The following ZNF407 variants were observed in gnomAD, a reference collection of about 807,000 sequenced individuals.
ZNF407 encodes the protein zinc finger protein 407.
A neutral mutation model predicts 131.2 loss-of-function variants in ZNF407; 17 were observed. The observed-to-expected ratio is 0.13, with a 90% CI of 0.09 to 0.19. The LOEUF is 0.19. Ranked by LOEUF, ZNF407 falls within the 10% of genes least tolerant of loss-of-function variation. ZNF407 has a pLI of 1.00. For missense variants in ZNF407, 2,681 were observed against 2,830.6 expected, an observed-to-expected ratio of 0.95 and a Z score of 1.20; for synonymous variants, 1,156 against 1,062.0, an observed-to-expected ratio of 1.09 and a Z score of -1.72.
chr18:74,889,848 A>G (rs1599223520), intron 6 of ZNF407, 70 bp from the exon 7 acceptor site: 6 of 1,410,862 alleles, frequency 4.3e-6, no homozygotes, highest in East Asian at 2.4e-5. Context: ...TAAATTGTCA[A>G]TACCAGGTTT....
chr18:74,780,050 A>G (rs1969567347), intron 3 of ZNF407, among the ~76,000 whole-genome samples: 1 of 151,860 alleles, frequency 6.6e-6, no homozygotes, highest in Admixed American at 6.6e-5. Flanking sequence ...ATTTAATATT[A>G]TCACAGTTTT....
intron 7 of ZNF407, among the ~76,000 whole-genome samples, chr18:74,893,939 G>A (rs959243746): frequency 3.3e-5 from 5 of 151,948 alleles, no homozygotes; most frequent in African/African-American, 1.2e-4. Flanking sequence ...ACCATCATTA[G>A]AAACTGAAAT....
At chr18:74,645,757 A>C (rs1044622432) in intron 3 of ZNF407, among the ~76,000 whole-genome samples, 2 of 151,976 alleles carry the variant, frequency 1.3e-5, no homozygotes, top group African/African-American at 4.8e-5. Flanking sequence ...CAGCTTGAAT[A>C]ATTGTAAATC....
chr18:74,612,152 A>C (rs1983087748), intron 1 of ZNF407, among the ~76,000 whole-genome samples: 1 of 152,246 alleles, frequency 6.6e-6, no homozygotes, highest in African/African-American at 2.4e-5. Context: ...AAGAATACAC[A>C]GTTTTTTCCC....
chr18:74,648,292 G>A lies in ZNF407; in HGVS notation c.4802+7170G>A, dbSNP rs79627328. Among the ~76,000 whole-genome samples the A allele has an allele frequency of 6.6e-5, 10 of 152,256 alleles. No homozygotes were observed. In the East Asian group the frequency reaches 1.9e-3, roughly 29 times the overall value. On this transcript the variant is annotated intron_variant, in intron 3 of 8. Coordinates refer to ENST00000299687, the MANE Select transcript of ZNF407 (RefSeq NM_017757.3). ...GGGTTGCAGCAGGATCAACCATGGC[G>A]TGCGGGATGTGCACGAACTACAGGG...
rs531446199 is a variant in ZNF407, at chr18:74,633,094, G to A, written c.2075G>A (p.Ser692Asn). 1.7e-5 allele frequency: 28 copies of A among 1,613,838 alleles called. No individual in the cohort carries two copies. Among genetic ancestry groups the A allele is most frequent in the Admixed American group, 1.5e-4 (9 of 59,992 alleles). ...GAAGAACCTCTGAAGTCCAGGGTAA[G>A]CCATGGTAATGAAGTGAGGCATTCC... The part of the protein sequence containing the change: ...SQEEPLKSRV[S>N]HGNEVRHSSK... Residue 692 changes from serine to asparagine, a missense_variant, in exon 2 of 9, where the codon AGC (serine) becomes AAC (asparagine). Transcript: ENST00000299687.
At chr18:74,832,970 G>A (rs935462677) in intron 4 of ZNF407, among the ~76,000 whole-genome samples, 6 of 152,190 alleles carry the variant, frequency 3.9e-5, no homozygotes, top group African/African-American at 1.4e-4. Flanking sequence ...CAATAGGGCA[G>A]GAAGAAGAGG....
chr18:74,599,777 C>T (rs1257010123), intron 1 of ZNF407, among the ~76,000 whole-genome samples: 1 of 152,198 alleles, frequency 6.6e-6, no homozygotes, highest in Non-Finnish European at 1.5e-5. Context: ...TCTTCTCTTT[C>T]TCATCTCCTT....
chr18:74,877,157 G>A, intron 4 of ZNF407, 40 bp from the exon 5 acceptor site: 4 of 1,597,630 alleles, frequency 2.5e-6, no homozygotes, highest in Non-Finnish European at 3.4e-6. Flanking sequence ...GTGCTGGTGT[G>A]CGGGCCATAT....
intron 4 of ZNF407, among the ~76,000 whole-genome samples, chr18:74,801,223 G>A (rs1970014192): frequency 6.6e-6 from 1 of 152,090 alleles, no homozygotes; most frequent in Non-Finnish European, 1.5e-5. Flanking sequence ...TAATGATTGT[G>A]TACCTGAAAA....
intron 7 of ZNF407, among the ~76,000 whole-genome samples, chr18:74,894,447 A>C (rs1316163420): frequency 6.6e-6 from 1 of 152,110 alleles, no homozygotes; most frequent in Non-Finnish European, 1.5e-5. Context: ...TAGAAAAAAA[A>C]TTAGTGTGTT....
At chr18:74,618,782 A>C (rs1041511067) in intron 1 of ZNF407, among the ~76,000 whole-genome samples, 2 of 152,228 alleles carry the variant, frequency 1.3e-5, no homozygotes, top group Non-Finnish European at 2.9e-5. Flanking sequence ...TAACCTTATT[A>C]TACAAATGGA....
At chr18:74,657,082 G>GTTTTTTTTTTTTTTTT (rs11338662) in intron 3 of ZNF407, among the ~76,000 whole-genome samples, 1 of 134,634 alleles carries the variant, frequency 7.4e-6, no homozygotes, top group African/African-American at 2.7e-5. Context: ...TGTTGAACTA[G>GTTTTTTTTTTTTTTTT]TTTTTTTTTT....
intron 4 of ZNF407, among the ~76,000 whole-genome samples, chr18:74,858,227 TAATG>T (rs1263367750): frequency 6.9e-6 from 1 of 145,900 alleles, no homozygotes; most frequent in Non-Finnish European, 1.5e-5. Context: ...ATGACAGAAA[TAATG>T]AATGTCCACG....
At chr18:74,758,738 G>A (rs1244828123) in intron 3 of ZNF407, among the ~76,000 whole-genome samples, 2 of 151,996 alleles carry the variant, frequency 1.3e-5, no homozygotes, top group African/African-American at 4.8e-5. Flanking sequence ...TTACAGATGT[G>A]TGCTCCCATG....
chr18:75,023,999 T>C (rs1257961102), intron 8 of ZNF407, among the ~76,000 whole-genome samples: 4 of 152,180 alleles, frequency 2.6e-5, no homozygotes, highest in Admixed American at 2.6e-4. Context: ...TCTAGAGGCC[T>C]GGGTTTGAGG....
chr18:74,909,385 C>A (rs1295207932), intron 7 of ZNF407, among the ~76,000 whole-genome samples: 1 of 152,062 alleles, frequency 6.6e-6, no homozygotes, highest in Non-Finnish European at 1.5e-5. Context: ...ATGTTATTTA[C>A]CTTAATCCTC....
Position 74,632,945 on chromosome 18 carries a change from A to T in ZNF407, c.1926A>T (p.Ser642=), listed in dbSNP as rs766745696. Residue 642 remains serine, a synonymous_variant, in exon 2 of 9, where the codon TCA becomes TCT. Coordinates refer to ENST00000299687, the MANE Select transcript of ZNF407 (RefSeq NM_017757.3). ...AAGCCACCGAGAAGCATATTAATTC[A>T]TTGGTTCAACCAAAGACTTTGCAAT... ...EHKATEKHIN[S]LVQPKTLQSS... The T allele has an allele frequency of 2.5e-6, 4 of 1,613,326 alleles. No homozygotes were observed. The highest frequency in any genetic ancestry group is 3.4e-6 in the Non-Finnish European group (4 of 1,179,696).
Position 74,842,125 on chromosome 18 carries a change from A to C in ZNF407, c.4878-35072A>C, listed in dbSNP as rs117060021. Among the ~76,000 whole-genome samples the C allele has an allele frequency of 4.3e-4, 65 of 152,300 alleles. No homozygotes were observed. In the East Asian group the frequency reaches 0.012, roughly 29 times the overall value. On this transcript the variant is annotated intron_variant, in intron 4 of 8. Transcript: ENST00000299687. The stretch of plus-strand genomic sequence containing the variant: ...TTAATATTTTTTGGAAAGGTTGCCT[A>C]AGATTTTTTTATTCTGTTGGATACT...
Sources: allele counts gnomAD v4.1 joint callset (sites outside exome capture counted in the v4.1 genomes callset), GRCh38; gene constraint gnomAD v4.1.1; transcripts MANE v1.5; gene names NCBI Gene and HGNC (gene_info 2026-07-23, HGNC 2026-07-21).